PTPN1: variants seen among roughly 807,000 people sequenced by gnomAD.
PTPN1 encodes protein tyrosine phosphatase non-receptor type 1.
PTPN1 carries 12 observed loss-of-function variants against 59.9 expected under a neutral mutation model. The ratio of observed to expected loss-of-function variants is 0.20; its 90% CI spans 0.13 to 0.32. The LOEUF (loss-of-function observed/expected upper bound fraction) is 0.32. Among genes scored for constraint, PTPN1 ranks in the 10% least tolerant of loss-of-function variants. The pLI, the probability that PTPN1 is intolerant of heterozygous loss-of-function variation, is 1.00. For missense variants in PTPN1, 356 were observed against 549.2 expected (o/e 0.65, Z 3.52); for synonymous variants, 178 against 203.6 (o/e 0.87, Z 1.07).
At chr20:50,550,590 A>G (rs1488291514) in intron 1 of PTPN1, among the ~76,000 whole-genome samples, 1 of 152,246 alleles carries the variant, frequency 6.6e-6, no homozygotes. Context: ...GCTTATACAC[A>G]TTCCCTTTCA....
intron 1 of PTPN1, among the ~76,000 whole-genome samples, chr20:50,548,615 A>G (rs2122760985): frequency 6.6e-6 from 1 of 152,230 alleles, no homozygotes; most frequent in East Asian, 1.9e-4. Flanking sequence ...TATGTTGCCC[A>G]GGCTGGTCTT....
chr20:50,560,965 A>C (rs1350881779), intron 1 of PTPN1, among the ~76,000 whole-genome samples: 1 of 151,672 alleles, frequency 6.6e-6, no homozygotes, highest in Non-Finnish European at 1.5e-5. Context: ...TGCAGTTGGA[A>C]CTCCCAGGCC....
chr20:50,527,687 C>G (rs1055611883), intron 1 of PTPN1, among the ~76,000 whole-genome samples: 3 of 152,180 alleles, frequency 2.0e-5, no homozygotes, highest in African/African-American at 7.2e-5. Flanking sequence ...GATCTGCTTC[C>G]TTGTTACTAA....
At chr20:50,575,545 G>A (rs996300225) in intron 5 of PTPN1, among the ~76,000 whole-genome samples, 2 of 152,226 alleles carry the variant, frequency 1.3e-5, no homozygotes, top group Admixed American at 1.3e-4. Context: ...CTGTGTGGGT[G>A]GGGAGGGATC....
At chr20:50,538,441 A>G (rs1231913916) in intron 1 of PTPN1, among the ~76,000 whole-genome samples, 1 of 152,184 alleles carries the variant, frequency 6.6e-6, no homozygotes, top group East Asian at 1.9e-4. Context: ...AAGAAAAACT[A>G]GTTAGGTGTG....
chr20:50,535,343 C>A (rs2082619929), intron 1 of PTPN1, among the ~76,000 whole-genome samples: 1 of 152,188 alleles, frequency 6.6e-6, no homozygotes, highest in Non-Finnish European at 1.5e-5. Flanking sequence ...TCTGTCTTTA[C>A]TGATGCTGTG....
chr20:50,532,424 A>G (rs2082605485), intron 1 of PTPN1, among the ~76,000 whole-genome samples: 2 of 152,238 alleles, frequency 1.3e-5, no homozygotes, highest in Non-Finnish European at 2.9e-5. Flanking sequence ...ATGGTAATCA[A>G]GCATGAAAGT....
intron 1 of PTPN1, among the ~76,000 whole-genome samples, chr20:50,559,935 A>G (rs144942234): frequency 2.0e-3 from 293 of 149,390 alleles, no homozygotes; most frequent in African/African-American, 7.0e-3. Flanking sequence ...CATCAGTGGT[A>G]CCTGCATGTG....
At chr20:50,576,944 A>T (rs950552679) in intron 5 of PTPN1, among the ~76,000 whole-genome samples, 2 of 152,138 alleles carry the variant, frequency 1.3e-5, no homozygotes, top group African/African-American at 2.4e-5. Context: ...TCCACCCACC[A>T]AATAGAAGAG....
At chr20:50,569,420 C>T (rs571528854) in intron 4 of PTPN1, among the ~76,000 whole-genome samples, 184 of 152,334 alleles carry the variant, frequency 1.2e-3, no homozygotes, top group African/African-American at 4.2e-3. Flanking sequence ...CCCAGCTCCC[C>T]AACTGCCTGC....
At chr20:50,523,540 C>G (rs1432762396) in intron 1 of PTPN1, among the ~76,000 whole-genome samples, 2 of 152,200 alleles carry the variant, frequency 1.3e-5, no homozygotes, top group Non-Finnish European at 2.9e-5. Flanking sequence ...AGATTGTAAG[C>G]TCCTTGCAGC....
At chr20:50,536,852 C>A (rs1181709940) in intron 1 of PTPN1, among the ~76,000 whole-genome samples, 1 of 152,114 alleles carries the variant, frequency 6.6e-6, no homozygotes, top group African/African-American at 2.4e-5. Context: ...GAAATACTTA[C>A]TTTTCTATTT....
intron 1 of PTPN1, among the ~76,000 whole-genome samples, chr20:50,516,069 T>G (rs1417630547): frequency 6.6e-6 from 1 of 152,204 alleles, no homozygotes; most frequent in African/African-American, 2.4e-5. Context: ...TATGTTTGTC[T>G]CTCTAAGAAT....
intron 4 of PTPN1, among the ~76,000 whole-genome samples, chr20:50,570,161 A>G (rs2082800879): frequency 6.6e-6 from 1 of 152,238 alleles, no homozygotes; most frequent in Non-Finnish European, 1.5e-5. Context: ...GGAACACATC[A>G]AAGGAAACTT....
At chr20:50,549,740 T>C (rs1392015382) in intron 1 of PTPN1, among the ~76,000 whole-genome samples, 1 of 152,230 alleles carries the variant, frequency 6.6e-6, no homozygotes. Context: ...TTAAGCTTTT[T>C]CTTTATTATT....
intron 1 of PTPN1, among the ~76,000 whole-genome samples, chr20:50,527,788 ACT>A (rs2082583776): frequency 6.6e-6 from 1 of 151,582 alleles, no homozygotes. Flanking sequence ...TGTTTTAATA[ACT>A]CTATTTTTTC....
chr20:50,581,704 T>C (rs1373246779), intron 9 of PTPN1, among the ~76,000 whole-genome samples: 1 of 151,948 alleles, frequency 6.6e-6, no homozygotes, highest in Non-Finnish European at 1.5e-5. Flanking sequence ...CCTTAACCTA[T>C]TCAGGAGTAA....
Position 50,579,767 on chromosome 20 carries a change from C to G in PTPN1, c.929C>G (p.Pro310Arg), listed in dbSNP as rs747013111. 6.2e-7 allele frequency: 1 copy of G among 1,613,808 alleles called. No homozygotes were observed. Among genetic ancestry groups the G allele is most frequent in the Non-Finnish European group, 8.5e-7 (1 of 1,179,990 alleles). ...EPPPEHIPPP[P>R]RPPKRILEPH... ...CCACCCGAGCATATCCCCCCACCTC[C>G]CCGGCCACCCAAACGAATCCTGGAG... The change falls in exon 8 of 10, where the codon CCC (proline) becomes CGC (arginine). Residue 310 changes from proline (P) to arginine (R), a missense_variant. Around this residue, in one of 3 missense-constraint regions of PTPN1, gnomAD observed 100 missense variants for 107.7 expected, o/e 0.93. Coordinates refer to ENST00000371621, the MANE Select transcript of PTPN1 (RefSeq NM_002827.4).
chr20:50,515,702 T>C (rs1193545544), intron 1 of PTPN1, among the ~76,000 whole-genome samples: 1 of 152,162 alleles, frequency 6.6e-6, no homozygotes, highest in Non-Finnish European at 1.5e-5. Flanking sequence ...TGGCACAGAG[T>C]AGGTACCTAA....
Sources: gnomAD v4.1 joint callset for allele counts (sites outside exome capture counted in the v4.1 genomes callset) on GRCh38, gnomAD v4.1.1 for gene constraint, gnomAD v4.1.1 regional missense constraint, MANE v1.5 for transcripts, NCBI Gene and HGNC (gene_info 2026-07-23, HGNC 2026-07-21) for gene names.